APBA3: variants seen among roughly 807,000 people sequenced by gnomAD.
APBA3 encodes the protein amyloid-beta A4 precursor protein-binding family A member 3.
A neutral mutation model predicts 55.9 loss-of-function variants in APBA3; 45 were observed. The ratio of observed to expected loss-of-function variants is 0.80; its 90% CI spans 0.63 to 1.03. The LOEUF (loss-of-function observed/expected upper bound fraction) is 1.03. Ranked by LOEUF, APBA3 falls within the 50% of genes least tolerant of loss-of-function variation. APBA3 has a pLI of 0.00. For synonymous variants in APBA3, 370 were observed against 353.3 expected, an observed-to-expected ratio of 1.05 and a Z score of -0.53; for missense variants, 865 against 820.3, an observed-to-expected ratio of 1.05 and a Z score of -0.67.
rs1364543377 is a variant in APBA3 at position 3,754,034 on chromosome 19, C to T, written c.834G>A (p.Leu278=). The change falls in exon 5 of 11, where the codon TTG becomes TTA. Residue 278 remains leucine (L), a synonymous_variant. Transcript: ENST00000316757. Reference sequence around the variant, plus strand: ...TGCCCCGTACCTGGGAGTCCGCTGTCAAGACCTTGATCCTCTTGGTGGAGA... The same window carrying T: ...TGCCCCGTACCTGGGAGTCCGCTGTTAAGACCTTGATCCTCTTGGTGGAGA... ...LFVSTKRIKV[L]TADSQEAMMD... The T allele has an allele frequency of 6.2e-7, 1 of 1,610,574 alleles. No individual in the cohort carries two copies. Among genetic ancestry groups the T allele is most frequent in the East Asian group, 2.2e-5 (1 of 44,786 alleles).
At chr19:3,759,522 G>C (rs2037117495) in intron 3 of APBA3, 39 bp downstream of exon 3, 2 of 1,566,484 alleles carry the variant, frequency 1.3e-6, no homozygotes, top group South Asian at 2.3e-5. Context: ...CTGTCTAGGG[G>C]CCTTCAGTGC....
chr19:3,751,101 G>A lies in APBA3; in HGVS notation c.1657-4C>T. On this transcript the variant is annotated splice_region_variant and splice_polypyrimidine_tract_variant and intron_variant, in intron 10 of 10. Coordinates refer to ENST00000316757, the MANE Select transcript of APBA3 (RefSeq NM_004886.4). ...CTGGCATCGTCTTGATATGCACCTG[G>A]GGAGTGGAGGCGGAACGGGGCTCAG... The A allele has an allele frequency of 6.4e-7, 1 of 1,566,922 alleles. No homozygotes were observed. The highest frequency in any genetic ancestry group is 1.2e-5 in the South Asian group (1 of 85,390).
chr19:3,751,150 C>T (rs772500691), intron 10 of APBA3, 39 bp downstream of exon 10: 12 of 1,555,348 alleles, frequency 7.7e-6, no homozygotes, highest in South Asian at 2.4e-5. Flanking sequence ...TCGTGGGGGA[C>T]GTGGGGGCGC....
Position 3,753,372 on chromosome 19 carries a change from G to T in APBA3, c.1012-382C>A, listed in dbSNP as rs1321300710. Reference sequence around the variant, plus strand: ...GGAGTCTTATAGGAGGCTGGACGCGGTGGCTCACGCCTGTAATTGCAGCAC... The same window carrying T: ...GGAGTCTTATAGGAGGCTGGACGCGTTGGCTCACGCCTGTAATTGCAGCAC... On this transcript the variant is annotated intron_variant, in intron 6 of 10. Transcript: ENST00000316757. 7 of 369,132 alleles carry T rather than the reference G, an allele frequency of 1.9e-5. No homozygotes were observed. The East Asian group carries it at 3.4e-4, about 18-fold the overall frequency. 22.9% of individuals were successfully genotyped at this position (369,132 alleles called of 1,614,324 possible).
chr19:3,753,126 G>A (rs1252376318), intron 6 of APBA3, 136 bp from the exon 7 acceptor site: 4 of 997,618 alleles, frequency 4.0e-6, no homozygotes, highest in Non-Finnish European at 5.7e-6. Flanking sequence ...TTCTGCCCTG[G>A]GGCTTTGGGG....
At chr19:3,753,543 G>A (rs2037036453) in intron 6 of APBA3, 3 of 509,708 alleles carry the variant, frequency 5.9e-6, no homozygotes, top group Non-Finnish European at 3.4e-6. Flanking sequence ...CTACTAGAGA[G>A]GCTGAAGTGG....
chr19:3,754,556 G>A (rs2037053788), intron 3 of APBA3: 3 of 576,592 alleles, frequency 5.2e-6, no homozygotes, highest in South Asian at 2.6e-5. Context: ...GGACTCGCAG[G>A]TGGGAAACCA....
rs1056697206 is a variant in APBA3 at position 3,752,685 on chromosome 19, G to A, written c.1218C>T (p.Gly406=). The A allele has an allele frequency of 1.1e-5, 17 of 1,593,988 alleles. No individual in the cohort carries two copies. Among genetic ancestry groups the A allele is most frequent in the East Asian group, 2.3e-5 (1 of 44,382 alleles). ...CCCAGCCCGACTCCACCAGGGCCACGCCCAGGCCCTCCCCTCGCCGCTTCT... is the reference window on the plus strand; with the variant it reads ...CCCAGCCCGACTCCACCAGGGCCACACCCAGGCCCTCCCCTCGCCGCTTCT... ...HLEKRRGEGL[G]VALVESGWGS... The change falls in exon 8 of 11, where the codon GGC becomes GGT. Residue 406 remains glycine (G), a synonymous_variant. Transcript: ENST00000316757.
chr19:3,756,549 T>C (rs1188938708), intron 3 of APBA3: 2 of 152,212 alleles, frequency 1.3e-5, no homozygotes, highest in African/African-American at 2.4e-5. Context: ...GTTAGCTTAA[T>C]TAAAATGTTA....
chr19:3,753,935 G>A lies in APBA3; in HGVS notation c.850-9C>T, dbSNP rs2037043064. On this transcript the variant is annotated splice_polypyrimidine_tract_variant and intron_variant, in intron 5 of 10. Coordinates refer to ENST00000316757, the MANE Select transcript of APBA3 (RefSeq NM_004886.4). ...TGGTCCATCATGGCCTCCTGGGGCG[G>A]GAGAGGCAGCCTGGGTGGGTTGGGG... 3 of 1,555,892 alleles carry A rather than the reference G, an allele frequency of 1.9e-6. No homozygotes were observed. Among genetic ancestry groups the A allele is most frequent in the Admixed American group, 1.9e-5 (1 of 51,806 alleles).
At chr19:3,756,892 T>TA (rs1395704865) in intron 3 of APBA3, among the ~76,000 whole-genome samples, 1 of 152,212 alleles carries the variant, frequency 6.6e-6, no homozygotes, top group African/African-American at 2.4e-5. Flanking sequence ...GAACACTAGA[T>TA]AACTATTCCC....
chr19:3,752,523 G>A lies in APBA3; in HGVS notation c.1380C>T (p.Cys460=). 5 of 1,580,502 alleles carry A rather than the reference G, an allele frequency of 3.2e-6. No homozygotes were observed. Among genetic ancestry groups the A allele is most frequent in the African/African-American group, 1.3e-5 (1 of 74,704 alleles). ...GGAAACTCACGCGGACAGCGGCCTG[G>A]CACGCAGCCAGGGGCAGCCCCACCA... ...TSLVGLPLAA[C]QAAVRETKSQ... The change falls in exon 8 of 11, where the codon TGC becomes TGT. Residue 460 remains cysteine (C), a synonymous_variant. Coordinates refer to ENST00000316757, the MANE Select transcript of APBA3 (RefSeq NM_004886.4).
Position 3,759,945 on chromosome 19 carries a change from G to C in APBA3, c.320C>G (p.Ala107Gly). The C allele has an allele frequency of 2.5e-6, 4 of 1,609,948 alleles. No homozygotes were observed. The highest frequency in any genetic ancestry group is 3.4e-6 in the Non-Finnish European group (4 of 1,179,036). Residue 107 changes from alanine (A) to glycine (G), a missense_variant, in exon 2 of 11, where the codon GCT (alanine) becomes GGT (glycine). Ala to Gly is a moderately conservative substitution (Grantham distance 60, BLOSUM62 0). Transcript: ENST00000316757. ...GAGGCCCAGCAGGTCATCCCGGCCA[G>C]CTTCGGCAGACAGGAGCCCGTGGGC... The part of the protein sequence containing the change: ...ADAHGLLSAE[A>G]GRDDLLGLLH...
intron 6 of APBA3, 139 bp from the exon 7 acceptor site, chr19:3,753,129 C>T (rs2037031373): frequency 1.0e-6 from 1 of 994,438 alleles, no homozygotes; most frequent in South Asian, 1.7e-5. Flanking sequence ...TGCCCTGGGG[C>T]TTTGGGGGAG....
chr19:3,756,723 A>G (rs1174239549), intron 3 of APBA3: 1 of 151,960 alleles, frequency 6.6e-6, no homozygotes, highest in African/African-American at 2.4e-5. Flanking sequence ...ACTCCGTCTC[A>G]GTTTAAAAAA....
chr19:3,759,581 G>A lies in APBA3; in HGVS notation c.596C>T (p.Ser199Phe), dbSNP rs1397936632. 6.2e-7 allele frequency: 1 copy of A among 1,600,020 alleles called. No homozygotes were observed. The highest frequency in any genetic ancestry group is 1.3e-5 in the African/African-American group (1 of 74,364). Residue 199 changes from serine (S) to phenylalanine (F), a missense_variant, in exon 3 of 11, where the codon TCC (serine) becomes TTC (phenylalanine). Transcript: ENST00000316757. Reference sequence around the variant, plus strand: ...CTCACCCTCCTGGGGGGCAGGGTAGGAAGCCAGGGTCTCGGGGCTCTGGAA... The same window carrying A: ...CTCACCCTCCTGGGGGGCAGGGTAGAAAGCCAGGGTCTCGGGGCTCTGGAA... ...AGAQSPETLA[S>F]YPAPQEVPGP...
At chr19:3,752,220 AC>A (rs556484961) in intron 8 of APBA3, among the ~76,000 whole-genome samples, 2 of 150,930 alleles carry the variant, frequency 1.3e-5, no homozygotes, top group East Asian at 3.9e-4. Context: ...AAACAAACAA[AC>A]CCCCCCAGAA....
intron 3 of APBA3, chr19:3,756,533 A>T (rs1057282409): frequency 1.3e-5 from 2 of 152,208 alleles, no homozygotes; most frequent in African/African-American, 4.8e-5. Flanking sequence ...ATAATATTTT[A>T]AATATGTTAG....
Position 3,759,853 on chromosome 19 carries a change from G to A in APBA3, c.412C>T (p.Leu138=). The A allele has an allele frequency of 1.9e-6, 3 of 1,612,612 alleles. No homozygotes were observed. Among genetic ancestry groups the A allele is most frequent in the Non-Finnish European group, 2.5e-6 (3 of 1,179,848 alleles). ...TCTGGGTCCTCAGGGGGCTGCAACA[G>A]TCGGGGGGCAGGCTCTAGAGGCTCT... is the stretch of plus-strand genomic sequence containing the variant. The part of the protein sequence containing the change: ...PEEPLEPAPR[L]LQPPEDPDED... Residue 138 remains leucine (L), a synonymous_variant, in exon 2 of 11, where the codon CTG becomes TTG. Transcript: ENST00000316757.
Sources: allele counts gnomAD v4.1 joint callset (sites outside exome capture counted in the v4.1 genomes callset), GRCh38; gene constraint gnomAD v4.1.1; transcripts MANE v1.5; gene names NCBI Gene and HGNC (gene_info 2026-07-23, HGNC 2026-07-21).